ASXL1: variants seen among roughly 807,000 people sequenced by gnomAD.
The protein encoded by ASXL1 is ASXL transcriptional regulator 1, also known as polycomb group protein ASXL1.
ASXL1 carries 65 observed loss-of-function variants against 89.1 expected under a neutral mutation model. The observed-to-expected ratio is 0.73, with a 90% CI of 0.60 to 0.90. The LOEUF (loss-of-function observed/expected upper bound fraction) is 0.90, where lower values mean the gene tolerates loss of function less well. Ranked by LOEUF, ASXL1 falls within the 40% of genes least tolerant of loss-of-function variation. ASXL1 has a pLI of 0.00. For synonymous variants in ASXL1, 739 were observed against 746.9 expected (o/e 0.99, Z 0.17); for missense variants, 1,786 against 1,942.9 (o/e 0.92, Z 1.52).
Position 32,438,771 on chromosome 20 carries a change from G to A in ASXL1, c.*1433G>A. The A allele has an allele frequency of 4.3e-6, 1 of 233,580 alleles. No individual in the cohort carries two copies. Among genetic ancestry groups the A allele is most frequent in the Admixed American group, 5.6e-5 (1 of 17,796 alleles). 14.5% of individuals were successfully genotyped at this position (233,580 alleles called of 1,614,324 possible). A position where few individuals can be genotyped will look rare whatever the true frequency, so the allele number is the denominator to read the frequency against. ...CAATACCTGGGACCATGCTCTCCTGGGACTGTGAGGCTCCTTTTGACGTAC... is the reference window on the plus strand; with the variant it reads ...CAATACCTGGGACCATGCTCTCCTGAGACTGTGAGGCTCCTTTTGACGTAC... On this transcript the variant is annotated 3_prime_UTR_variant, in exon 13 of 13. Transcript: ENST00000375687.
rs1479950391 is a variant in ASXL1, at chr20:32,436,112, C to G, written c.3400C>G (p.Pro1134Ala). 5.0e-6 allele frequency: 8 copies of G among 1,614,048 alleles called. No individual in the cohort carries two copies. The highest frequency in any genetic ancestry group is 5.1e-6 in the Non-Finnish European group (6 of 1,180,046). The change falls in exon 13 of 13, where the codon CCA becomes GCA. Residue 1134 changes from proline to alanine, a missense_variant. By Grantham distance (27) the Pro-to-Ala change is conservative. Around this residue, in one of 3 missense-constraint regions of ASXL1, gnomAD observed 1,418 missense variants for 1,427.8 expected, o/e 0.99. Coordinates refer to ENST00000375687, the MANE Select transcript of ASXL1 (RefSeq NM_015338.6). ...CCACGATGACAGCATGTCAGAATCC[C>G]CACAAGTACCACTTACAAAAGACCA... ...PAHDDSMSES[P>A]QVPLTKDQSH...
Position 32,431,341 on chromosome 20 carries a change from G to T in ASXL1, c.739G>T (p.Gly247Trp), listed in dbSNP as rs1179449889. 1.2e-6 allele frequency: 2 copies of T among 1,614,096 alleles called. No individual in the cohort carries two copies. The highest frequency in any genetic ancestry group is 1.7e-6 in the Non-Finnish European group (2 of 1,180,058). ...CATAGGTCAAATGAAGCGCAACAGAGGGGAAGAAATAGATTTTGAGACACC... is the reference window on the plus strand; with the variant it reads ...CATAGGTCAAATGAAGCGCAACAGATGGGAAGAAATAGATTTTGAGACACC... ...PATGQMKRNRGEEIDFETPGS... is the reference protein window; with the variant it reads ...PATGQMKRNRWEEIDFETPGS... The change falls in exon 9 of 13, where the codon GGG becomes TGG. Residue 247 changes from glycine (G) to tryptophan (W), a missense_variant. Around this residue, in one of 3 missense-constraint regions of ASXL1, gnomAD observed 332 missense variants for 449.7 expected, o/e 0.74. Transcript: ENST00000375687.
chr20:32,416,813 TATG>T (rs1199559573), intron 4 of ASXL1, among the ~76,000 whole-genome samples: 1 of 152,224 alleles, frequency 6.6e-6, no homozygotes, highest in Non-Finnish European at 1.5e-5. Context: ...ATTTTGTAAT[TATG>T]ATGAGAAAAA....
At chr20:32,400,169 A>G (rs958703091) in intron 4 of ASXL1, among the ~76,000 whole-genome samples, 5 of 152,100 alleles carry the variant, frequency 3.3e-5, no homozygotes, top group African/African-American at 1.2e-4. Flanking sequence ...AACTCTTATA[A>G]TGTCCTTGTG....
At position 32,436,301 on chromosome 20, in the gene ASXL1, C is replaced by T. The variant is rs753491851; in HGVS notation, c.3589C>T (p.Pro1197Ser). ...GLARIEATQA[P>S]GAPQKNCKAV... ...TGCCAGGATTGAGGCCACCCAGGCT[C>T]CTGGAGCACCCCAAAAGAATTGCAA... is the stretch of plus-strand genomic sequence containing the variant. The change falls in exon 13 of 13, where the codon CCT (proline) becomes TCT (serine). Residue 1197 changes from proline (P) to serine (S), a missense_variant. Physicochemically the swap from Pro to Ser is moderately conservative, Grantham distance 74 (BLOSUM62 -1). Coordinates refer to ENST00000375687, the MANE Select transcript of ASXL1 (RefSeq NM_015338.6). 1.2e-6 allele frequency: 2 copies of T among 1,614,164 alleles called. No individual in the cohort carries two copies. Among genetic ancestry groups the T allele is most frequent in the Non-Finnish European group, 1.7e-6 (2 of 1,180,032 alleles).
At chr20:32,394,047 G>T (rs1320503009) in intron 4 of ASXL1, among the ~76,000 whole-genome samples, 17 of 150,358 alleles carry the variant, frequency 1.1e-4, no homozygotes, top group African/African-American at 4.2e-4. Context: ...CTGTCACCTG[G>T]GCTGGAGTGC....
At chr20:32,417,082 G>A (rs2049150424) in intron 4 of ASXL1, among the ~76,000 whole-genome samples, 1 of 152,130 alleles carries the variant, frequency 6.6e-6, no homozygotes, top group Admixed American at 6.6e-5. Context: ...AAACTCTGAT[G>A]TAGATTGACA....
At position 32,436,064 on chromosome 20, in the gene ASXL1, C is replaced by T. The variant is rs2011838616; in HGVS notation, c.3352C>T (p.Leu1118=). Reference sequence around the variant, plus strand: ...GCAGTTGCTGCAGGGTAGCTTGCCCCTAGAGAAGGTTCTTCCACCAGCCCA... The same window carrying T: ...GCAGTTGCTGCAGGGTAGCTTGCCCTTAGAGAAGGTTCTTCCACCAGCCCA... The part of the protein sequence containing the change: ...VMQLLQGSLP[L]EKVLPPAHDD... Residue 1118 remains leucine (L), a synonymous_variant, in exon 13 of 13, where the codon CTA becomes TTA. Coordinates refer to ENST00000375687, the MANE Select transcript of ASXL1 (RefSeq NM_015338.6). The T allele has an allele frequency of 6.2e-7, 1 of 1,614,198 alleles. No individual in the cohort carries two copies.
intron 4 of ASXL1, among the ~76,000 whole-genome samples, chr20:32,399,050 A>G (rs1282549149): frequency 6.6e-6 from 1 of 151,952 alleles, no homozygotes; most frequent in Non-Finnish European, 1.5e-5. Flanking sequence ...TCTTTACTAA[A>G]AATACAAAAA....
At chr20:32,359,984 A>G (rs2048083564) in intron 1 of ASXL1, 1 of 599,670 alleles carries the variant, frequency 1.7e-6, no homozygotes, top group African/African-American at 1.9e-5. Flanking sequence ...AATGGTTGTA[A>G]TTCAGTTTTA....
chr20:32,370,965 T>TAAAAAAAAA (rs776902032), intron 4 of ASXL1, among the ~76,000 whole-genome samples: 1 of 87,378 alleles, frequency 1.1e-5, no homozygotes. Context: ...TTGTCTCTAT[T>TAAAAAAAAA]AAAAAAAAAA....
At chr20:32,421,840 G>A (rs888532661) in intron 4 of ASXL1, among the ~76,000 whole-genome samples, 12 of 151,066 alleles carry the variant, frequency 7.9e-5, no homozygotes, top group African/African-American at 1.2e-4. Flanking sequence ...GATTGCCTTC[G>A]TGGGGTGAGA....
chr20:32,421,505 A>G (rs2049249218), intron 4 of ASXL1, among the ~76,000 whole-genome samples: 1 of 151,814 alleles, frequency 6.6e-6, no homozygotes, highest in African/African-American at 2.4e-5. Flanking sequence ...ATGACTCGGC[A>G]TTTCTACTCC....
At chr20:32,377,500 G>A (rs2048405852) in intron 4 of ASXL1, among the ~76,000 whole-genome samples, 1 of 151,958 alleles carries the variant, frequency 6.6e-6, no homozygotes, top group Admixed American at 6.6e-5. Context: ...TATCTGAAAT[G>A]CTTGAGACAT....
At chr20:32,359,161 G>T (rs927009102) in intron 1 of ASXL1, 25 of 671,078 alleles carry the variant, frequency 3.7e-5, no homozygotes, top group Non-Finnish European at 6.5e-5. Context: ...GCGTCTGGGG[G>T]TCTGGGGCAG....
At chr20:32,427,659 T>C in intron 4 of ASXL1, 1 of 201,306 alleles carries the variant, frequency 5.0e-6, no homozygotes, top group Non-Finnish European at 1.0e-5. Context: ...ACACATCCTT[T>C]TGGATGTGTT....
At chr20:32,431,283 A>T (rs773624818) in intron 8 of ASXL1, 38 bp from the exon 9 acceptor site, 11 of 1,613,876 alleles carry the variant, frequency 6.8e-6, no homozygotes, top group Non-Finnish European at 9.3e-6. Context: ...TTTTTCTTTT[A>T]AAAAGCTGAA....
Position 32,437,363 on chromosome 20 carries a change from G to A in ASXL1, c.*25G>A. 6.2e-7 allele frequency: 1 copy of A among 1,604,646 alleles called. No homozygotes were observed. The highest frequency in any genetic ancestry group is 1.1e-5 in the South Asian group (1 of 90,768). On this transcript the variant is annotated 3_prime_UTR_variant, in exon 13 of 13. Coordinates refer to ENST00000375687, the MANE Select transcript of ASXL1 (RefSeq NM_015338.6). Reference sequence around the variant, plus strand: ...ATAAATTATGGCCATGGGAAACATTGTATATTTAGTGTGTGTATTTTGATA... The same window carrying A: ...ATAAATTATGGCCATGGGAAACATTATATATTTAGTGTGTGTATTTTGATA...
intron 4 of ASXL1, among the ~76,000 whole-genome samples, chr20:32,385,767 G>T (rs2048569345): frequency 6.6e-6 from 1 of 152,012 alleles, no homozygotes; most frequent in Admixed American, 6.6e-5. Flanking sequence ...TTAATCCAGT[G>T]GCCAGAGGGA....
Sources: allele counts gnomAD v4.1 joint callset (sites outside exome capture counted in the v4.1 genomes callset), GRCh38; gene constraint gnomAD v4.1.1; regional missense constraint gnomAD v4.1.1; transcripts MANE v1.5; gene names NCBI Gene and HGNC (gene_info 2026-07-23, HGNC 2026-07-21).